Variants in MTO1 observed in about 807,000 individuals in gnomAD.
MTO1 encodes 5-taurinomethyluridine-[tRNA] synthase subunit MTO1, mitochondrial.
A neutral mutation model predicts 71.6 loss-of-function variants in MTO1; 46 were observed. That is an observed-to-expected ratio of 0.64 (90% CI 0.51 to 0.82). The LOEUF is 0.82. Ranked by LOEUF, MTO1 falls within the 40% of genes least tolerant of loss-of-function variation. MTO1 has a pLI of 0.00. For missense variants in MTO1, 773 were observed against 867.5 expected, an observed-to-expected ratio of 0.89 and a Z score of 1.37; for synonymous variants, 297 against 312.1, an observed-to-expected ratio of 0.95 and a Z score of 0.51.
intron 3 of MTO1, among the ~76,000 whole-genome samples, chr6:73,473,074 A>G (rs1335432056): frequency 1.3e-5 from 2 of 152,110 alleles, no homozygotes; most frequent in Non-Finnish European, 2.9e-5. Context: ...GAGGTCGGGA[A>G]TTCGAGACCA....
chr6:73,473,786 A>ATT (rs112494055), intron 4 of MTO1, 132 bp downstream of exon 4: 441 of 460,198 alleles, frequency 9.6e-4, no homozygotes, highest in African/African-American at 1.8e-3. Context: ...CAAAGAAATG[A>ATT]TTTTTTTTTT....
At chr6:73,476,591 A>G (rs962390018) in intron 4 of MTO1, among the ~76,000 whole-genome samples, 1 of 151,988 alleles carries the variant, frequency 6.6e-6, no homozygotes, top group Admixed American at 6.6e-5. Flanking sequence ...ATATCAATTT[A>G]TGTCCATATT....
rs1771207971 is a variant in MTO1 at position 73,473,373 on chromosome 6, A to T, written c.544A>T (p.Ser182Cys). Residue 182 changes from serine to cysteine, a missense_variant, in exon 4 of 12, where the codon AGC (serine) becomes TGC (cysteine). Coordinates refer to ENST00000498286, the MANE Select transcript of MTO1 (RefSeq NM_012123.4). ...TTTTTCTTGTTATTTAGTGGATGGA[A>T]GCACAGTATATGCAGAGAGTGTGAT... is the stretch of plus-strand genomic sequence containing the variant. ...RVSGVVLVDG[S>C]TVYAESVILT... The T allele has an allele frequency of 6.2e-7, 1 of 1,605,390 alleles. No homozygotes were observed. Among genetic ancestry groups the T allele is most frequent in the Non-Finnish European group, 8.5e-7 (1 of 1,174,888 alleles).
intron 3 of MTO1, among the ~76,000 whole-genome samples, chr6:73,472,739 G>A (rs1771189237): frequency 6.6e-6 from 1 of 152,140 alleles, no homozygotes; most frequent in Admixed American, 6.6e-5. Flanking sequence ...GTGTAACTAT[G>A]TGAGGTGATG....
chr6:73,462,664 G>A (rs12526457), intron 1 of MTO1, among the ~76,000 whole-genome samples: 20,680 of 152,032 alleles, frequency 0.14, 1,776 homozygotes, highest in East Asian at 0.2. Flanking sequence ...GGGGGCAGAG[G>A]TTGCAGTGAG....
chr6:73,506,551 A>G lies in MTO1; in HGVS notation c.*5816A>G, dbSNP rs9446914. ...GAAGTGCCTTTCGCCTCCCGCCAAGATTCTGAGGCTTCCTCAGCCATGTGG... is the reference window on the plus strand; with the variant it reads ...GAAGTGCCTTTCGCCTCCCGCCAAGGTTCTGAGGCTTCCTCAGCCATGTGG... On this transcript the variant is annotated 3_prime_UTR_variant, in exon 12 of 12. Transcript: ENST00000498286. The G allele has an allele frequency of 0.048, 7,425 of 154,744 alleles. 377 individuals are homozygous for G. Among genetic ancestry groups the G allele is most frequent in the East Asian group, 0.19 (1,018 of 5,340 alleles). 9.6% of individuals were successfully genotyped at this position (154,744 alleles called of 1,614,324 possible).
chr6:73,473,531 G>A lies in MTO1; in HGVS notation c.702G>A (p.Arg234=). The A allele has an allele frequency of 6.2e-7, 1 of 1,614,018 alleles. No individual in the cohort carries two copies. Among genetic ancestry groups the A allele is most frequent in the Non-Finnish European group, 8.5e-7 (1 of 1,180,020 alleles). The part of the protein sequence containing the change: ...TLEKLGFVVG[R]LKTGTPPRIA... Reference sequence around the variant, plus strand: ...AGAAGTTAGGGTTTGTGGTGGGAAGGTTGAAGACTGGGACTCCACCCCGAA... The same window carrying A: ...AGAAGTTAGGGTTTGTGGTGGGAAGATTGAAGACTGGGACTCCACCCCGAA... The change falls in exon 4 of 12, where the codon AGG becomes AGA. Residue 234 remains arginine, a synonymous_variant. Coordinates refer to ENST00000498286, the MANE Select transcript of MTO1 (RefSeq NM_012123.4).
At position 73,482,496 on chromosome 6, in the gene MTO1, T is replaced by G; in HGVS notation, c.1513T>G (p.Cys505Gly). Residue 505 changes from cysteine (C) to glycine (G), a missense_variant, in exon 9 of 12, where the codon TGT becomes GGT. Cys to Gly is a radical substitution (Grantham distance 159). Transcript: ENST00000498286. ...CVSQQRYERACWMKSSLEEGI... is the reference protein window; with the variant it reads ...CVSQQRYERAGWMKSSLEEGI... Reference sequence around the variant, plus strand: ...GTCCCAACAACGATATGAAAGAGCTTGTTGGATGAAGTCTTCTTTAGAAGA... The same window carrying G: ...GTCCCAACAACGATATGAAAGAGCTGGTTGGATGAAGTCTTCTTTAGAAGA... The G allele has an allele frequency of 6.2e-7, 1 of 1,613,474 alleles. No homozygotes were observed. The highest frequency in any genetic ancestry group is 8.5e-7 in the Non-Finnish European group (1 of 1,179,852).
At chr6:73,479,389 G>A (rs536260445) in intron 4 of MTO1, among the ~76,000 whole-genome samples, 1 of 151,980 alleles carries the variant, frequency 6.6e-6, no homozygotes, top group Non-Finnish European at 1.5e-5. Context: ...CAGCTACTTG[G>A]GAGGCTGAGG....
At chr6:73,473,785 GATTT>G in intron 4 of MTO1, 131 bp downstream of exon 4, 1 of 628,144 alleles carries the variant, frequency 1.6e-6, no homozygotes, top group Admixed American at 3.8e-5. Context: ...GCAAAGAAAT[GATTT>G]TTTTTTTTTT....
intron 1 of MTO1, chr6:73,462,403 T>C: frequency 1.1e-5 from 4 of 361,636 alleles, no homozygotes; most frequent in Non-Finnish European, 2.1e-5. Flanking sequence ...TCTACTATGT[T>C]ACTCCAGATA....
intron 3 of MTO1, among the ~76,000 whole-genome samples, chr6:73,473,139 C>T (rs1771197525): frequency 6.6e-6 from 1 of 152,082 alleles, no homozygotes; most frequent in South Asian, 2.1e-4. Context: ...ACTAGCTGAG[C>T]GTGGTGGCGC....
At position 73,473,283 on chromosome 6, in the gene MTO1, G is replaced by GATAT. The variant is rs2150031253; in HGVS notation, c.536-79_536-78insTATA. ...ATAGAGTGAGACTTCATCTCAGATA[G>GATAT]ATAGATAGATAGATAGATACATAGA... On this transcript the variant is annotated intron_variant, in intron 3 of 11. Transcript: ENST00000498286. The GATAT allele has an allele frequency of 7.4e-6, 10 of 1,343,630 alleles. No individual in the cohort carries two copies. The South Asian group carries it at 1.3e-4, about 18-fold the overall frequency. 83.2% of individuals were successfully genotyped at this position (1,343,630 alleles called of 1,614,324 possible). A position where few individuals can be genotyped will look rare whatever the true frequency, so the allele number is the denominator to read the frequency against.
At chr6:73,492,172 G>A in intron 9 of MTO1, 62 bp from the exon 10 acceptor site, 1 of 991,072 alleles carries the variant, frequency 1.0e-6, no homozygotes, top group Non-Finnish European at 1.6e-6. Flanking sequence ...AAAGAATCTT[G>A]TTCTTGATCT....
At chr6:73,486,433 T>G (rs1255729753) in intron 9 of MTO1, among the ~76,000 whole-genome samples, 1 of 99,396 alleles carries the variant, frequency 1.0e-5, no homozygotes, top group Admixed American at 9.6e-5. Flanking sequence ...TTCTATGGAT[T>G]TGACTAGAAT....
chr6:73,497,028 T>G (rs993797498), intron 10 of MTO1, among the ~76,000 whole-genome samples: 6 of 150,728 alleles, frequency 4.0e-5, no homozygotes, highest in Non-Finnish European at 8.9e-5. Flanking sequence ...CATTCCAGCC[T>G]AGGCAACAAG....
intron 1 of MTO1, chr6:73,464,120 A>T (rs544737393): frequency 6.6e-6 from 1 of 152,162 alleles, no homozygotes; most frequent in Non-Finnish European, 1.5e-5. Context: ...TGATATAGGG[A>T]TTAGCATAGC....
At chr6:73,464,270 A>G (rs1487770277) in intron 1 of MTO1, 1 of 152,076 alleles carries the variant, frequency 6.6e-6, no homozygotes, top group Non-Finnish European at 1.5e-5. Flanking sequence ...TTCTATTTCA[A>G]AGGAAGAAGG....
intron 1 of MTO1, chr6:73,462,358 G>T: frequency 2.4e-6 from 1 of 414,730 alleles, no homozygotes; most frequent in Non-Finnish European, 4.3e-6. Context: ...CCAACTACTC[G>T]CTGGTAGCTT....
Sources: allele counts gnomAD v4.1 joint callset (sites outside exome capture counted in the v4.1 genomes callset), GRCh38; gene constraint gnomAD v4.1.1; transcripts MANE v1.5; gene names NCBI Gene and HGNC (gene_info 2026-07-23, HGNC 2026-07-21).